Variants in TFDP2 observed in about 807,000 individuals in gnomAD.
The protein encoded by TFDP2 is transcription factor Dp-2, also known as transcription factor Dp-2 (E2F dimerization partner 2).
Under a neutral mutation model 59.3 loss-of-function variants are expected in TFDP2, and 17 were observed. That is an observed-to-expected ratio of 0.29 (90% CI 0.20 to 0.43). The LOEUF (loss-of-function observed/expected upper bound fraction) is 0.43. Ranked by LOEUF, TFDP2 falls within the 20% of genes least tolerant of loss-of-function variation. TFDP2 has a pLI of 1.00. For synonymous variants in TFDP2, 180 were observed against 194.7 expected (o/e 0.92, Z 0.63); for missense variants, 391 against 528.8 (o/e 0.74, Z 2.56).
At chr3:142,002,538 T>C (rs1312495202) in intron 4 of TFDP2, among the ~76,000 whole-genome samples, 1 of 152,168 alleles carries the variant, frequency 6.6e-6, no homozygotes. Context: ...TACCTCATTA[T>C]AATGGCCTTT....
intron 3 of TFDP2, among the ~76,000 whole-genome samples, chr3:142,012,565 C>T (rs1427909676): frequency 6.6e-6 from 1 of 152,128 alleles, no homozygotes; most frequent in Non-Finnish European, 1.5e-5. Context: ...TCTTTTGGTA[C>T]ATGTGTATGA....
chr3:141,979,110 C>T (rs983979834), intron 6 of TFDP2, among the ~76,000 whole-genome samples: 1 of 151,870 alleles, frequency 6.6e-6, no homozygotes, highest in Admixed American at 6.6e-5. Flanking sequence ...AATGATGGGC[C>T]GCATATACAA....
At chr3:142,132,155 GGAT>G (rs1396105784) in intron 1 of TFDP2, among the ~76,000 whole-genome samples, 1 of 149,950 alleles carries the variant, frequency 6.7e-6, no homozygotes, top group Non-Finnish European at 1.5e-5. Context: ...CAATATAAAG[GGAT>G]GATTATTGAT....
intron 3 of TFDP2, among the ~76,000 whole-genome samples, chr3:142,086,390 T>A (rs1413308446): frequency 6.6e-6 from 1 of 152,188 alleles, no homozygotes; most frequent in Non-Finnish European, 1.5e-5. Context: ...CACCAGGTTG[T>A]AACCTCTGCT....
chr3:141,950,394 A>G lies in TFDP2; in HGVS notation c.*2119T>C, dbSNP rs1278513324. ...CTGGGGTGGCCAATGATGGGGCACCAATAAGGATAAGAGTCTTTGGCGGCT... is the reference window on the plus strand; with the variant it reads ...CTGGGGTGGCCAATGATGGGGCACCGATAAGGATAAGAGTCTTTGGCGGCT... On this transcript the variant is annotated 3_prime_UTR_variant, in exon 13 of 13. Transcript: ENST00000489671. The G allele has an allele frequency of 6.6e-6, 1 of 152,260 alleles. No homozygotes were observed. The highest frequency in any genetic ancestry group is 1.5e-5 in the Non-Finnish European group (1 of 68,046). 9.4% of individuals were successfully genotyped at this position (152,260 alleles called of 1,614,324 possible).
At chr3:142,083,335 A>G (rs201402773) in intron 3 of TFDP2, among the ~76,000 whole-genome samples, 1 of 152,192 alleles carries the variant, frequency 6.6e-6, no homozygotes, top group African/African-American at 2.4e-5. Context: ...ACTATAAAAT[A>G]CTGATGAAAG....
chr3:142,081,322 A>T (rs2060633379), intron 3 of TFDP2, among the ~76,000 whole-genome samples: 1 of 152,182 alleles, frequency 6.6e-6, no homozygotes, highest in Non-Finnish European at 1.5e-5. Context: ...AACCTATGGG[A>T]TATAGTGAAA....
At chr3:142,090,580 AG>A (rs1324231203) in intron 3 of TFDP2, among the ~76,000 whole-genome samples, 1 of 126,448 alleles carries the variant, frequency 7.9e-6, no homozygotes, top group East Asian at 2.3e-4. Context: ...TTTTTTTTGG[AG>A]ACAGACTCTC....
intron 3 of TFDP2, among the ~76,000 whole-genome samples, chr3:142,091,645 G>C (rs951920428): frequency 6.6e-6 from 1 of 152,058 alleles, no homozygotes; most frequent in Non-Finnish European, 1.5e-5. Flanking sequence ...TAGAACAGTG[G>C]TCCCCAACCT....
At chr3:141,997,325 A>G (rs1020535713) in intron 4 of TFDP2, among the ~76,000 whole-genome samples, 3 of 152,214 alleles carry the variant, frequency 2.0e-5, no homozygotes, top group African/African-American at 4.8e-5. Context: ...GTTTCCACCA[A>G]TCACTACATC....
intron 3 of TFDP2, among the ~76,000 whole-genome samples, chr3:142,008,741 T>C (rs1001837486): frequency 1.3e-5 from 2 of 151,762 alleles, no homozygotes; most frequent in Non-Finnish European, 2.9e-5. Flanking sequence ...TATATATATA[T>C]ACACACACAT....
rs1943107777 is a variant in TFDP2 at position 141,994,777 on chromosome 3, C to A, written c.308+243G>T. ...TTATAATAATAAAAGTAGTCCTATT[C>A]CAGAGTTTAAAAAGTCACAGGGTTT... On this transcript the variant is annotated intron_variant, in intron 5 of 12. Transcript: ENST00000489671. 9.2e-6 allele frequency: 3 copies of A among 325,076 alleles called. No individual in the cohort carries two copies. The East Asian group carries it at 1.5e-4, about 16-fold the overall frequency. 20.1% of individuals were successfully genotyped at this position (325,076 alleles called of 1,614,324 possible). A position where few individuals can be genotyped will look rare whatever the true frequency, so the allele number is the denominator to read the frequency against.
chr3:142,103,871 TAGA>T (rs2061390787), intron 1 of TFDP2, among the ~76,000 whole-genome samples: 1 of 151,908 alleles, frequency 6.6e-6, no homozygotes, highest in Non-Finnish European at 1.5e-5. Flanking sequence ...TAAAATTTTG[TAGA>T]AGAAAAGCAA....
At chr3:141,959,360 G>T (rs990997304) in intron 11 of TFDP2, among the ~76,000 whole-genome samples, 2 of 152,104 alleles carry the variant, frequency 1.3e-5, no homozygotes, top group South Asian at 2.1e-4. Flanking sequence ...GCTTTTACTA[G>T]CTTACTCTAA....
chr3:142,030,083 A>C (rs1405059701), intron 3 of TFDP2, among the ~76,000 whole-genome samples: 1 of 152,228 alleles, frequency 6.6e-6, no homozygotes, highest in African/African-American at 2.4e-5. Flanking sequence ...AGTGTCTGTT[A>C]GACACTCAAA....
intron 7 of TFDP2, among the ~76,000 whole-genome samples, chr3:141,976,886 T>C (rs911333013): frequency 6.6e-5 from 10 of 151,144 alleles, no homozygotes; most frequent in Admixed American, 4.6e-4. Flanking sequence ...GGGAAATAGT[T>C]CAAATCATAT....
Position 142,087,101 on chromosome 3 carries a change from A to G in TFDP2, c.82+5960T>C, listed in dbSNP as rs568417442. 2.6e-5 allele frequency among the ~76,000 whole-genome samples: 4 copies of G among 152,350 alleles called. No individual in the cohort carries two copies. The East Asian group carries it at 7.7e-4, about 29-fold the overall frequency. On this transcript the variant is annotated intron_variant, in intron 3 of 12. Transcript: ENST00000489671. ...ATCAGGGCAGCGATCAAATGATATG[A>G]CAAATGATTCTCCTAGCACCCCTAT...
intron 3 of TFDP2, among the ~76,000 whole-genome samples, chr3:142,077,440 G>A (rs1165977083): frequency 6.6e-6 from 1 of 152,058 alleles, no homozygotes. Context: ...TGCTTGAGGA[G>A]TGGAGAAGGA....
At chr3:141,958,228 C>G (rs945318716) in intron 11 of TFDP2, among the ~76,000 whole-genome samples, 1 of 151,670 alleles carries the variant, frequency 6.6e-6, no homozygotes, top group Non-Finnish European at 1.5e-5. Context: ...ATCAAGCAAT[C>G]GGAAACAAAC....
Sources: gnomAD v4.1 joint callset for allele counts (sites outside exome capture counted in the v4.1 genomes callset) on GRCh38, gnomAD v4.1.1 for gene constraint, MANE v1.5 for transcripts, NCBI Gene and HGNC (gene_info 2026-07-23, HGNC 2026-07-21) for gene names.